Variants in TOR1AIP1 observed in about 807,000 individuals in gnomAD.
The protein encoded by TOR1AIP1 is torsin 1A interacting protein 1, also known as torsin-1A-interacting protein 1.
In TOR1AIP1, 54 loss-of-function variants were observed where a neutral mutation model predicts 63.3. That is an observed-to-expected ratio of 0.85 (90% CI 0.69 to 1.07). TOR1AIP1 has a LOEUF of 1.07. TOR1AIP1 is among the 50% of genes least tolerant of loss of function. TOR1AIP1 has a pLI of 0.00. For synonymous variants in TOR1AIP1, 294 were observed against 273.5 expected (o/e 1.07, Z -0.74); for missense variants, 736 against 715.0 (o/e 1.03, Z -0.33).
At chr1:179,883,044 C>T (rs77999561) in intron 1 of TOR1AIP1, 67 bp downstream of exon 1, 2 of 1,433,752 alleles carry the variant, frequency 1.4e-6, no homozygotes, top group Non-Finnish European at 1.9e-6. Context: ...GCGCGCGCCT[C>T]GGTGGAGCTC....
rs145077375 is a variant in TOR1AIP1, at chr1:179,915,934, G to A, written c.965-1518G>A. ...TAAAAAATAGTATTCCATGAAAAAT[G>A]TGCTAATTCGCCTTGTAATTCATTT... is the stretch of plus-strand genomic sequence containing the variant. On this transcript the variant is annotated intron_variant, in intron 9 of 9. Transcript: ENST00000606911. Among the ~76,000 whole-genome samples the A allele has an allele frequency of 2.8e-3, 433 of 152,254 alleles. 1 individual carries two copies. The highest frequency in any genetic ancestry group is 5.8e-3 in the South Asian group (28 of 4,828).
intron 3 of TOR1AIP1, among the ~76,000 whole-genome samples, chr1:179,891,602 A>G (rs375269372): frequency 2.7e-4 from 40 of 150,234 alleles, no homozygotes; most frequent in African/African-American, 7.4e-4. Flanking sequence ...CTCTTGCTCT[A>G]TCACCGAGGC....
intron 2 of TOR1AIP1, among the ~76,000 whole-genome samples, chr1:179,886,355 A>G (rs1248187915): frequency 6.6e-6 from 1 of 152,218 alleles, no homozygotes; most frequent in Non-Finnish European, 1.5e-5. Context: ...AGTTTATATT[A>G]GGCTCATATT....
Position 179,918,700 on chromosome 1 carries a change from C to G in TOR1AIP1, c.*461C>G, listed in dbSNP as rs1213170470. 6.5e-6 allele frequency: 1 copy of G among 154,778 alleles called. No individual in the cohort carries two copies. The highest frequency in any genetic ancestry group is 2.4e-5 in the African/African-American group (1 of 41,458). The allele number at this position is 154,778 out of a possible 1,614,324, so 9.6% of individuals were successfully genotyped here. ...CATTTAGGTGTGAGTTCCTTAGCTT[C>G]TGCCTATAGGAACATAAGTAATGAA... On this transcript the variant is annotated 3_prime_UTR_variant, in exon 10 of 10. Coordinates refer to ENST00000606911, the MANE Select transcript of TOR1AIP1 (RefSeq NM_015602.4).
rs574307160 is a variant in TOR1AIP1, at chr1:179,916,725, A to G, written c.965-727A>G. 5.7e-5 allele frequency among the ~76,000 whole-genome samples: 5 copies of G among 87,188 alleles called. No individual in the cohort carries two copies. The East Asian group carries it at 1.1e-3, about 20-fold the overall frequency. 57.2% of individuals were successfully genotyped at this position (87,188 alleles called of 152,430 possible). A position where few individuals can be genotyped will look rare whatever the true frequency, so the allele number is the denominator to read the frequency against. ...CTTTTTTTTTTTTTTTTTTTTTGAG[A>G]TGGAATCTCTCTCTGTCACCCAGGC... On this transcript the variant is annotated intron_variant, in intron 9 of 9. Coordinates refer to ENST00000606911, the MANE Select transcript of TOR1AIP1 (RefSeq NM_015602.4).
At chr1:179,911,090 G>A (rs1648819201) in intron 8 of TOR1AIP1, among the ~76,000 whole-genome samples, 1 of 152,104 alleles carries the variant, frequency 6.6e-6, no homozygotes, top group Admixed American at 6.6e-5. Flanking sequence ...TAACCACATT[G>A]AGCTTTCAGA....
At chr1:179,909,042 G>A (rs115521857) in intron 8 of TOR1AIP1, among the ~76,000 whole-genome samples, 30 of 152,040 alleles carry the variant, frequency 2.0e-4, no homozygotes, top group African/African-American at 5.5e-4. Context: ...GCGTGGCGGC[G>A]GGAGGCTACT....
At chr1:179,883,832 C>G (rs1647823982) in intron 1 of TOR1AIP1, 1 of 363,434 alleles carries the variant, frequency 2.8e-6, no homozygotes, top group Non-Finnish European at 5.5e-6. Flanking sequence ...CCCTGCCCCC[C>G]CCATTTTAGG....
At chr1:179,897,604 T>C (rs1456002896) in intron 3 of TOR1AIP1, among the ~76,000 whole-genome samples, 1 of 152,248 alleles carries the variant, frequency 6.6e-6, no homozygotes, top group South Asian at 2.1e-4. Context: ...TCCATTATTA[T>C]AGATTCTAAA....
intron 9 of TOR1AIP1, 114 bp from the exon 10 acceptor site, chr1:179,917,338 G>A: frequency 1.1e-6 from 1 of 883,852 alleles, no homozygotes; most frequent in Admixed American, 2.4e-5. Flanking sequence ...CTTCTTTAAA[G>A]TCCTTCCTCT....
chr1:179,918,276 GA>G lies in TOR1AIP1; in HGVS notation c.*38del, dbSNP rs1228508307. On this transcript the variant is annotated 3_prime_UTR_variant, in exon 10 of 10. Transcript: ENST00000606911. ...GAAGAAAAATCATGTCCCAAGTTCT[GA>G]GAATTGTTCACACTTTCTAACCAGA... 1 of 1,536,242 alleles carries G rather than the reference GA, an allele frequency of 6.5e-7. No individual in the cohort carries two copies. The highest frequency in any genetic ancestry group is 8.7e-7 in the Non-Finnish European group (1 of 1,151,738).
chr1:179,883,653 G>A, intron 1 of TOR1AIP1: 1 of 456,280 alleles, frequency 2.2e-6, no homozygotes, highest in Non-Finnish European at 4.4e-6. Flanking sequence ...TTTGGTGGCC[G>A]TCACTGTAAC....
At chr1:179,889,656 T>C (rs1648005873) in intron 3 of TOR1AIP1, among the ~76,000 whole-genome samples, 1 of 149,784 alleles carries the variant, frequency 6.7e-6, no homozygotes, top group African/African-American at 2.5e-5. Context: ...TTCTGTCTTT[T>C]TTTTTTTTTT....
chr1:179,902,060 C>T (rs952474052), intron 5 of TOR1AIP1, among the ~76,000 whole-genome samples: 1 of 130,040 alleles, frequency 7.7e-6, no homozygotes, highest in Non-Finnish European at 1.6e-5. Flanking sequence ...GAGTCTCACT[C>T]TGTCACCCAT....
At chr1:179,885,257 C>A (rs1647878470) in intron 2 of TOR1AIP1, among the ~76,000 whole-genome samples, 1 of 152,136 alleles carries the variant, frequency 6.6e-6, no homozygotes, top group African/African-American at 2.4e-5. Flanking sequence ...CTATAAGAAA[C>A]ACCATCATTG....
At chr1:179,887,142 G>A (rs1459777509) in intron 2 of TOR1AIP1, among the ~76,000 whole-genome samples, 2 of 152,220 alleles carry the variant, frequency 1.3e-5, no homozygotes, top group Non-Finnish European at 2.9e-5. Flanking sequence ...GCTCACGCCT[G>A]TAATCCCAGC....
rs796339697 is a variant in TOR1AIP1 at position 179,888,655 on chromosome 1, T to C, written c.554-658T>C. Among the ~76,000 whole-genome samples, 12 of 152,176 alleles carry C rather than the reference T, an allele frequency of 7.9e-5. No homozygotes were observed. In the East Asian group the frequency reaches 1.2e-3, roughly 15 times the overall value. On this transcript the variant is annotated intron_variant, in intron 2 of 9. Transcript: ENST00000606911. ...TACAGATGAATGAAACAAAACATAATAGAATCCAAATTTTGATAAATATTT... is the reference window on the plus strand; with the variant it reads ...TACAGATGAATGAAACAAAACATAACAGAATCCAAATTTTGATAAATATTT...
chr1:179,905,594 A>G (rs563391601), intron 6 of TOR1AIP1, among the ~76,000 whole-genome samples: 1 of 152,298 alleles, frequency 6.6e-6, no homozygotes, highest in Admixed American at 6.5e-5. Context: ...TTTACTCCAA[A>G]TCTTTGATCT....
At chr1:179,899,261 T>C (rs74827868) in intron 3 of TOR1AIP1, among the ~76,000 whole-genome samples, 1 of 972 alleles carries the variant, frequency 1.0e-3, no homozygotes, top group Admixed American at 0.016. Context: ...ATCTCACTAT[T>C]TTTTTTTTTT....
Sources: allele counts gnomAD v4.1 joint callset (sites outside exome capture counted in the v4.1 genomes callset), GRCh38; gene constraint gnomAD v4.1.1; transcripts MANE v1.5; gene names NCBI Gene and HGNC (gene_info 2026-07-23, HGNC 2026-07-21).